The following WDFY3 variants were observed in gnomAD, a reference collection of about 807,000 sequenced individuals.
WDFY3 encodes WD repeat and FYVE domain-containing protein 3.
In WDFY3, 66 loss-of-function variants were observed where a neutral mutation model predicts 409.6. That is an observed-to-expected ratio of 0.16 (90% CI 0.13 to 0.20). WDFY3 has a LOEUF of 0.20. Among genes scored for constraint, WDFY3 ranks in the 10% least tolerant of loss-of-function variants. WDFY3 has a pLI of 1.00. For synonymous variants in WDFY3, 1,521 were observed against 1,537.1 expected (o/e 0.99, Z 0.25); for missense variants, 3,031 against 4,298.1 (o/e 0.71, Z 8.24).
intron 1 of WDFY3, among the ~76,000 whole-genome samples, chr4:84,956,227 T>C (rs1484292387): frequency 6.6e-6 from 1 of 152,122 alleles, no homozygotes; most frequent in African/African-American, 2.4e-5. Flanking sequence ...AACATACCAA[T>C]TACAACATGT....
At chr4:84,764,133 C>T (rs961137262) in intron 32 of WDFY3, among the ~76,000 whole-genome samples, 13 of 152,066 alleles carry the variant, frequency 8.5e-5, no homozygotes, top group Admixed American at 2.0e-4. Flanking sequence ...TTTTGCAAAC[C>T]ACAATGTACT....
At chr4:84,680,380 C>G (rs1427706673) in intron 64 of WDFY3, among the ~76,000 whole-genome samples, 2 of 152,190 alleles carry the variant, frequency 1.3e-5, no homozygotes, top group Non-Finnish European at 2.9e-5. Flanking sequence ...GCCTCAACCT[C>G]CTGAGCCCAG....
chr4:84,842,374 G>A (rs1428810192), intron 5 of WDFY3, among the ~76,000 whole-genome samples: 1 of 152,058 alleles, frequency 6.6e-6, no homozygotes, highest in Non-Finnish European at 1.5e-5. Flanking sequence ...CTACTTGGGA[G>A]GCTGAGGCAG....
Position 84,817,425 on chromosome 4 carries a change from C to T in WDFY3, c.1854G>A (p.Pro618=), listed in dbSNP as rs776038616. 1.2e-5 allele frequency: 19 copies of T among 1,613,470 alleles called. No homozygotes were observed. The highest frequency in any genetic ancestry group is 2.2e-5 in the South Asian group (2 of 91,062). The change falls in exon 13 of 68, where the codon CCG becomes CCA. Residue 618 remains proline (P), a synonymous_variant. Coordinates refer to ENST00000295888, the MANE Select transcript of WDFY3 (RefSeq NM_014991.6). ...TLLGLMHSAP[P]TELQLKTDIL... is the part of the protein sequence containing the mutation. ...TATCAGTCTTCAACTGCAATTCCGT[C>T]GGTGGGGCTGAATGCATTAGCCCCA...
intron 4 of WDFY3, among the ~76,000 whole-genome samples, chr4:84,858,950 G>C (rs902535976): frequency 2.0e-5 from 3 of 151,922 alleles, no homozygotes; most frequent in African/African-American, 7.3e-5. Context: ...ATGGAGAAGA[G>C]AAAGAGAGAT....
chr4:84,794,784 AT>A, intron 20 of WDFY3, 47 bp from the exon 21 acceptor site: 1 of 1,527,770 alleles, frequency 6.5e-7, no homozygotes. Context: ...TAATATTTAT[AT>A]TTTTTAAAAG....
chr4:84,957,518 G>C lies in WDFY3; in HGVS notation c.-226+8691C>G, dbSNP rs529317905. Among the ~76,000 whole-genome samples the C allele has an allele frequency of 2.6e-5, 4 of 152,286 alleles. No homozygotes were observed. In the East Asian group the frequency reaches 7.7e-4, roughly 29 times the overall value. ...TATATCTCAATGTCCCTTCTCTGAA[G>C]GTTCAAAGACGTGAAGGTAATGGGG... On this transcript the variant is annotated intron_variant, in intron 1 of 67. Coordinates refer to ENST00000295888, the MANE Select transcript of WDFY3 (RefSeq NM_014991.6).
intron 1 of WDFY3, among the ~76,000 whole-genome samples, chr4:84,943,741 G>T (rs1023476632): frequency 1.3e-5 from 2 of 152,038 alleles, no homozygotes; most frequent in African/African-American, 4.8e-5. Context: ...CTCTTTAAAG[G>T]TGACAAAATC....
intron 50 of WDFY3, among the ~76,000 whole-genome samples, chr4:84,714,731 A>C (rs1733549771): frequency 6.6e-6 from 1 of 152,130 alleles, no homozygotes. Context: ...TGGGCAGATC[A>C]CAAGGTCAAG....
At position 84,739,023 on chromosome 4, in the gene WDFY3, T is replaced by C; in HGVS notation, c.6561A>G (p.Gln2187=). Residue 2187 remains glutamine (Q), a synonymous_variant, in exon 40 of 68, where the codon CAA becomes CAG. Transcript: ENST00000295888. ...SDIEPDGSYS[Q]DISEGRQLLI... Reference sequence around the variant, plus strand: ...CAAGGCAATTACCTTCACTAATATCTTGGCTGTAACTACCATCTGGTTCAA... The same window carrying C: ...CAAGGCAATTACCTTCACTAATATCCTGGCTGTAACTACCATCTGGTTCAA... 1 of 1,614,130 alleles carries C rather than the reference T, an allele frequency of 6.2e-7. No individual in the cohort carries two copies.
chr4:84,692,796 C>A (rs565029388), intron 59 of WDFY3, 89 bp downstream of exon 59: 1 of 1,298,224 alleles, frequency 7.7e-7, no homozygotes, highest in Admixed American at 2.8e-5. Flanking sequence ...ATTATGCTAT[C>A]GTCAAAAAGC....
At chr4:84,950,599 G>A (rs1057320205) in intron 1 of WDFY3, among the ~76,000 whole-genome samples, 2 of 152,088 alleles carry the variant, frequency 1.3e-5, no homozygotes, top group Non-Finnish European at 2.9e-5. Flanking sequence ...AGACCATCCT[G>A]ATTAACACGG....
In WDFY3 at chr4:84,672,590, CT is replaced by C. The variant is rs1725586946; in HGVS notation, c.*277del. 2 of 248,574 alleles carry C rather than the reference CT, an allele frequency of 8.0e-6. No homozygotes were observed. Among genetic ancestry groups the C allele is most frequent in the South Asian group, 2.9e-4 (2 of 6,972 alleles). 15.4% of individuals were successfully genotyped at this position (248,574 alleles called of 1,614,324 possible). On this transcript the variant is annotated 3_prime_UTR_variant, in exon 68 of 68. Transcript: ENST00000295888. ...AGAGTTAATAAGTGAGGATTTTTCT[CT>C]TGGAGACAGCTACTGTCATCAGGGA...
At chr4:84,789,513 AT>A (rs1186469179) in intron 22 of WDFY3, among the ~76,000 whole-genome samples, 1 of 152,150 alleles carries the variant, frequency 6.6e-6, no homozygotes, top group Non-Finnish European at 1.5e-5. Context: ...ATAAGCCCTC[AT>A]TTCTATTCTT....
intron 3 of WDFY3, among the ~76,000 whole-genome samples, chr4:84,889,259 A>T (rs1044601940): frequency 2.0e-5 from 3 of 152,206 alleles, no homozygotes; most frequent in African/African-American, 7.2e-5. Flanking sequence ...CTCATAAAAC[A>T]TAAATGCATA....
intron 67 of WDFY3, among the ~76,000 whole-genome samples, chr4:84,675,370 C>T (rs1295510272): frequency 6.6e-6 from 1 of 152,204 alleles, no homozygotes; most frequent in Non-Finnish European, 1.5e-5. Context: ...TTTTGGGTCC[C>T]TCATCTTGAA....
chr4:84,831,379 T>C, intron 8 of WDFY3, 34 bp downstream of exon 8: 1 of 1,380,840 alleles, frequency 7.2e-7, no homozygotes, highest in Non-Finnish European at 9.5e-7. Flanking sequence ...GTGGAAGAAA[T>C]TTAGAACACT....
intron 58 of WDFY3, among the ~76,000 whole-genome samples, chr4:84,695,388 T>A (rs1729916602): frequency 6.6e-6 from 1 of 151,868 alleles, no homozygotes; most frequent in Non-Finnish European, 1.5e-5. Context: ...TCCATCATCA[T>A]CTGTTCTCTG....
chr4:84,817,896 T>C (rs2149797013), intron 12 of WDFY3, among the ~76,000 whole-genome samples: 1 of 152,268 alleles, frequency 6.6e-6, no homozygotes, highest in East Asian at 1.9e-4. Context: ...CTCTCTATTG[T>C]AATCAACTTA....
Sources: allele counts gnomAD v4.1 joint callset (sites outside exome capture counted in the v4.1 genomes callset), GRCh38; gene constraint gnomAD v4.1.1; transcripts MANE v1.5; gene names NCBI Gene and HGNC (gene_info 2026-07-23, HGNC 2026-07-21).